The following PCDH9 variants were observed in gnomAD, a reference collection of about 807,000 sequenced individuals.
PCDH9 encodes the protein protocadherin-9.
PCDH9 carries 24 observed loss-of-function variants against 70.6 expected under a neutral mutation model. The ratio of observed to expected loss-of-function variants is 0.34; its 90% CI spans 0.25 to 0.48. The LOEUF (loss-of-function observed/expected upper bound fraction) is 0.48. Among genes scored for constraint, PCDH9 ranks in the 20% least tolerant of loss-of-function variants. The probability of loss-of-function intolerance (pLI) is 0.99; values close to 1 mark genes in which losing one functional copy is unlikely to be tolerated. For missense variants in PCDH9, 1,281 were observed against 1,503.6 expected (o/e 0.85, Z 2.45); for synonymous variants, 562 against 558.5 (o/e 1.01, Z -0.09).
intron 4 of PCDH9, among the ~76,000 whole-genome samples, chr13:66,603,195 T>G (rs1403635878): frequency 1.7e-5 from 2 of 117,686 alleles, no homozygotes; most frequent in Non-Finnish European, 4.1e-5. Context: ...TTGTGACTAA[T>G]AATTGACTTA....
At chr13:66,628,885 C>A (rs1027479990) in intron 4 of PCDH9, among the ~76,000 whole-genome samples, 1 of 152,166 alleles carries the variant, frequency 6.6e-6, no homozygotes, top group Non-Finnish European at 1.5e-5. Context: ...ACAAAAAATT[C>A]TATGACAAAT....
At chr13:66,610,710 C>T (rs1425219201) in intron 4 of PCDH9, among the ~76,000 whole-genome samples, 3 of 152,250 alleles carry the variant, frequency 2.0e-5, no homozygotes, top group Middle Eastern at 3.4e-3. Context: ...CAGCTTAAAT[C>T]GGAACACAAC....
chr13:66,317,053 T>A (rs1385536581), intron 4 of PCDH9, among the ~76,000 whole-genome samples: 2 of 152,112 alleles, frequency 1.3e-5, no homozygotes. Flanking sequence ...ATAGCACTCA[T>A]CACTACCTTT....
chr13:67,072,369 T>C (rs2085783639), intron 2 of PCDH9, among the ~76,000 whole-genome samples: 1 of 152,146 alleles, frequency 6.6e-6, no homozygotes, highest in Non-Finnish European at 1.5e-5. Context: ...TAGAACAGCC[T>C]TTGCTGAGGT....
intron 4 of PCDH9, among the ~76,000 whole-genome samples, chr13:66,602,659 G>A (rs1314662324): frequency 6.9e-6 from 1 of 145,028 alleles, no homozygotes; most frequent in Non-Finnish European, 1.5e-5. Flanking sequence ...ATTGAAGAAA[G>A]AAAAAAAATT....
At chr13:66,699,199 C>T (rs978420440) in intron 3 of PCDH9, among the ~76,000 whole-genome samples, 2 of 152,046 alleles carry the variant, frequency 1.3e-5, no homozygotes, top group Non-Finnish European at 2.9e-5. Context: ...CAGGTGTGAG[C>T]CACTGCGCCT....
intron 2 of PCDH9, among the ~76,000 whole-genome samples, chr13:67,131,596 T>C (rs554411389): frequency 3.9e-5 from 6 of 152,244 alleles, no homozygotes; most frequent in Admixed American, 2.0e-4. Flanking sequence ...CATGATGACA[T>C]GCTATTTTTC....
At chr13:66,712,236 AT>A (rs1268438716) in intron 3 of PCDH9, among the ~76,000 whole-genome samples, 5 of 152,196 alleles carry the variant, frequency 3.3e-5, no homozygotes, top group African/African-American at 7.2e-5. Flanking sequence ...TATCATGCAC[AT>A]AGTTAAATTT....
At position 66,303,097 on chromosome 13, in the gene PCDH9, T is replaced by C. The variant is rs892559891; in HGVS notation, c.*1558A>G. The stretch of plus-strand genomic sequence containing the variant: ...ATTAACTATCAGATTAGCAAACCTT[T>C]TTTTTAAATTTTTTGTTTTTTTTTT... On this transcript the variant is annotated 3_prime_UTR_variant, in exon 5 of 5. Coordinates refer to ENST00000377865, the MANE Select transcript of PCDH9 (RefSeq NM_203487.3). 1 of 152,420 alleles carries C rather than the reference T, an allele frequency of 6.6e-6. No individual in the cohort carries two copies. Among genetic ancestry groups the C allele is most frequent in the African/African-American group, 2.4e-5 (1 of 41,424 alleles). The allele number at this position is 152,420 out of a possible 1,614,324, so 9.4% of individuals were successfully genotyped here. A position where few individuals can be genotyped will look rare whatever the true frequency, so the allele number is the denominator to read the frequency against.
At chr13:66,591,278 C>T (rs1168280175) in intron 4 of PCDH9, among the ~76,000 whole-genome samples, 2 of 151,570 alleles carry the variant, frequency 1.3e-5, no homozygotes, top group African/African-American at 2.4e-5. Flanking sequence ...GAATCTCATA[C>T]ACTTTATGCA....
chr13:66,817,033 A>T (rs1358983298), intron 3 of PCDH9, among the ~76,000 whole-genome samples: 1 of 151,926 alleles, frequency 6.6e-6, no homozygotes, highest in Admixed American at 6.6e-5. Context: ...ATACAATAAA[A>T]AATAAAAATT....
chr13:66,895,629 G>T (rs1309098519), intron 3 of PCDH9, among the ~76,000 whole-genome samples: 1 of 152,198 alleles, frequency 6.6e-6, no homozygotes, highest in Non-Finnish European at 1.5e-5. Context: ...TGCTTGAGCA[G>T]CATTATTTAC....
intron 4 of PCDH9, among the ~76,000 whole-genome samples, chr13:66,437,944 G>A (rs990171765): frequency 1.3e-5 from 2 of 152,052 alleles, no homozygotes; most frequent in African/African-American, 4.8e-5. Context: ...GTTTATAAAA[G>A]TACTTAGGGC....
At chr13:66,986,854 T>A (rs2083901201) in intron 2 of PCDH9, among the ~76,000 whole-genome samples, 1 of 151,882 alleles carries the variant, frequency 6.6e-6, no homozygotes, top group Non-Finnish European at 1.5e-5. Flanking sequence ...TACAACTGAA[T>A]AAAATGGAAA....
At chr13:66,899,227 G>A (rs1329377410) in intron 3 of PCDH9, among the ~76,000 whole-genome samples, 1 of 151,866 alleles carries the variant, frequency 6.6e-6, no homozygotes, top group Non-Finnish European at 1.5e-5. Flanking sequence ...TTATCAAAAT[G>A]GTTTTCTCAA....
At chr13:66,307,951 G>A (rs1955495499) in intron 4 of PCDH9, among the ~76,000 whole-genome samples, 2 of 151,874 alleles carry the variant, frequency 1.3e-5, no homozygotes, top group Admixed American at 1.3e-4. Flanking sequence ...TTTATTCCAC[G>A]AACATTTACT....
chr13:66,674,092 T>A (rs2078212394), intron 3 of PCDH9, among the ~76,000 whole-genome samples: 1 of 152,058 alleles, frequency 6.6e-6, no homozygotes, highest in Non-Finnish European at 1.5e-5. Context: ...GGAGTTAACA[T>A]AATTTTTGAA....
chr13:66,870,002 C>T (rs1327151226), intron 3 of PCDH9, among the ~76,000 whole-genome samples: 3 of 152,140 alleles, frequency 2.0e-5, no homozygotes, highest in Non-Finnish European at 2.9e-5. Flanking sequence ...TTGCCCATCC[C>T]TATGTCCTGA....
intron 3 of PCDH9, among the ~76,000 whole-genome samples, chr13:66,798,676 A>T (rs1566201413): frequency 3.3e-5 from 5 of 152,172 alleles, no homozygotes; most frequent in Admixed American, 2.0e-4. Context: ...AATATCAAAC[A>T]TCTTCATCTT....
Sources: gnomAD v4.1 joint callset for allele counts (sites outside exome capture counted in the v4.1 genomes callset) on GRCh38, gnomAD v4.1.1 for gene constraint, MANE v1.5 for transcripts, NCBI Gene and HGNC (gene_info 2026-07-23, HGNC 2026-07-21) for gene names.